Variants in ANKRD30B observed in about 807,000 individuals in gnomAD.
ANKRD30B encodes ankyrin repeat domain 30B, also known as ankyrin repeat domain-containing protein 30B.
In ANKRD30B, 144 loss-of-function variants were observed where a neutral mutation model predicts 202.2. The observed-to-expected ratio is 0.71, with a 90% CI of 0.62 to 0.82. The LOEUF (loss-of-function observed/expected upper bound fraction) is 0.82. Among genes scored for constraint, ANKRD30B ranks in the 40% least tolerant of loss-of-function variants. The pLI is 0.00. For synonymous variants in ANKRD30B, 508 were observed against 561.3 expected (o/e 0.91, Z 1.34); for missense variants, 1,487 against 1,669.1 (o/e 0.89, Z 1.90).
At chr18:14,773,359 A>AC (rs1967135696) in intron 9 of ANKRD30B, among the ~76,000 whole-genome samples, 1 of 96,384 alleles carries the variant, frequency 1.0e-5, no homozygotes, top group Admixed American at 9.1e-5. Context: ...TGCCTATAAA[A>AC]AGATTTTAAG....
rs1170403059 is a variant in ANKRD30B at position 14,853,918 on chromosome 18, A to G, written c.*8A>G. 1.3e-5 allele frequency among the ~76,000 whole-genome samples: 2 copies of G among 152,220 alleles called. No individual in the cohort carries two copies. The highest frequency in any genetic ancestry group is 3.8e-4 in the East Asian group (2 of 5,202). On this transcript the variant is annotated 3_prime_UTR_variant, in exon 43 of 44. Transcript: ENST00000690538. ...TCTCTGAGGCATCAATAGAGGCTAC[A>G]TCACATTATCACATTAATCTCAAAG...
the ANKRD30B span, among the ~76,000 whole-genome samples, chr18:14,875,381 G>A: frequency 6.6e-6 from 1 of 152,314 alleles, no homozygotes; most frequent in South Asian, 2.1e-4. Flanking sequence ...CCCTGCCCAG[G>A]ACCACACAGG....
At chr18:14,816,012 C>T (rs1245298964) in intron 30 of ANKRD30B, 1 of 152,152 alleles carries the variant, frequency 6.6e-6, no homozygotes, top group Non-Finnish European at 1.5e-5. Flanking sequence ...GATGTCAGTT[C>T]TACATTCAGC....
intron 16 of ANKRD30B, among the ~76,000 whole-genome samples, chr18:14,791,750 G>T (rs1199042280): frequency 6.6e-6 from 1 of 152,096 alleles, no homozygotes; most frequent in African/African-American, 2.4e-5. Flanking sequence ...TAAGAAAGGA[G>T]AAAGTAGTAA....
chr18:14,847,283 A>G (rs1315136415), intron 39 of ANKRD30B, among the ~76,000 whole-genome samples: 2 of 151,580 alleles, frequency 1.3e-5, no homozygotes, highest in Non-Finnish European at 2.9e-5. Flanking sequence ...ATATCATATC[A>G]TAGATGGTAT....
At chr18:14,938,152 T>C in the ANKRD30B span, among the ~76,000 whole-genome samples, 1 of 152,158 alleles carries the variant, frequency 6.6e-6, no homozygotes, top group African/African-American at 2.4e-5. Flanking sequence ...CGAGTCTCAG[T>C]CACACACACA....
At chr18:14,888,926 A>G in the ANKRD30B span, 34 of 1,069,210 alleles carry the variant, frequency 3.2e-5, no homozygotes, top group East Asian at 1.3e-4. Context: ...AAACAAACAA[A>G]CATGTTCCAA....
At chr18:14,845,415 A>G (rs1296100716) in intron 39 of ANKRD30B, among the ~76,000 whole-genome samples, 1 of 152,306 alleles carries the variant, frequency 6.6e-6, no homozygotes, top group Non-Finnish European at 1.5e-5. Context: ...CATTTCAATG[A>G]ATTTGTCCAT....
At chr18:14,869,205 A>C in the ANKRD30B span, among the ~76,000 whole-genome samples, 2 of 152,202 alleles carry the variant, frequency 1.3e-5, no homozygotes, top group Admixed American at 6.5e-5. Context: ...TGAAAACACT[A>C]GGATTTTGTC....
intron 30 of ANKRD30B, chr18:14,816,499 A>T (rs1970112693): frequency 6.6e-6 from 1 of 152,080 alleles, no homozygotes. Flanking sequence ...ACAAAAAATT[A>T]GCCAAGCATG....
At chr18:14,766,505 A>AAAGAAAAGAAAAGAAAAGAG (rs1916240583) in intron 7 of ANKRD30B, among the ~76,000 whole-genome samples, 2 of 150,592 alleles carry the variant, frequency 1.3e-5, no homozygotes, top group South Asian at 4.2e-4. Flanking sequence ...AAAGAAAAGA[A>AAAGAAAAGAAAAGAAAAGAG]AAGAAAAGAA....
Position 14,799,348 on chromosome 18 carries a change from G to A in ANKRD30B, c.2131+53G>A, listed in dbSNP as rs570536435. On this transcript the variant is annotated intron_variant, in intron 22 of 43. Transcript: ENST00000690538. ...TGGAATTAAGAATATTAAACTATTT[G>A]AAATGCTGAGCACCTTTTTATTCCC... 9 of 1,417,946 alleles carry A rather than the reference G, an allele frequency of 6.3e-6. No individual in the cohort carries two copies. The East Asian group carries it at 2.3e-4, about 35-fold the overall frequency. 87.8% of individuals were successfully genotyped at this position (1,417,946 alleles called of 1,614,324 possible).
At chr18:14,787,220 AT>A (rs1968148675) in intron 15 of ANKRD30B, 120 bp downstream of exon 15, 1 of 826,800 alleles carries the variant, frequency 1.2e-6, no homozygotes, top group African/African-American at 1.7e-5. Context: ...ATTTTTTGAT[AT>A]TTTTCAGAAT....
At chr18:14,778,793 T>C (rs1418076627) in intron 10 of ANKRD30B, among the ~76,000 whole-genome samples, 2 of 152,158 alleles carry the variant, frequency 1.3e-5, no homozygotes, top group Non-Finnish European at 2.9e-5. Flanking sequence ...ACCTCACTCT[T>C]AAGTAGCAAG....
rs185215128 is a variant in ANKRD30B, at chr18:14,821,453, G to A, written c.2642-1030G>A. Among the ~76,000 whole-genome samples the A allele has an allele frequency of 3.9e-5, 6 of 152,058 alleles. 1 individual carries two copies. Among genetic ancestry groups the A allele is most frequent in the African/African-American group, 1.2e-4 (5 of 41,530 alleles). On this transcript the variant is annotated intron_variant, in intron 30 of 43. Transcript: ENST00000690538. ...CTTTTCTAGTTCTTTTAATTGTGATGTTAGGGTGTTTTTTCTTTTGTTGAG... is the reference window on the plus strand; with the variant it reads ...CTTTTCTAGTTCTTTTAATTGTGATATTAGGGTGTTTTTTCTTTTGTTGAG...
intron 39 of ANKRD30B, among the ~76,000 whole-genome samples, chr18:14,846,511 C>T (rs1410388129): frequency 6.6e-6 from 1 of 151,670 alleles, no homozygotes; most frequent in Non-Finnish European, 1.5e-5. Flanking sequence ...ACCACTTGAG[C>T]AAGGGGTTTA....
intron 8 of ANKRD30B, 70 bp downstream of exon 8, chr18:14,769,443 G>A (rs557824348): frequency 8.1e-7 from 1 of 1,233,562 alleles, no homozygotes; most frequent in Non-Finnish European, 1.1e-6. Context: ...ATCACTATCT[G>A]CTGAGTATTC....
intron 3 of ANKRD30B, among the ~76,000 whole-genome samples, chr18:14,754,398 G>A (rs1218620142): frequency 1.3e-5 from 2 of 152,112 alleles, no homozygotes; most frequent in African/African-American, 4.8e-5. Flanking sequence ...TTGAATAATG[G>A]ACATTTAGTT....
intron 9 of ANKRD30B, among the ~76,000 whole-genome samples, chr18:14,774,332 A>G (rs780079210): frequency 1.8e-4 from 27 of 152,252 alleles, no homozygotes; most frequent in Non-Finnish European, 3.1e-4. Context: ...TTGACTGGTC[A>G]CGTCTCTTGT....
Sources: allele counts gnomAD v4.1 joint callset (sites outside exome capture counted in the v4.1 genomes callset), GRCh38; gene constraint gnomAD v4.1.1; transcripts MANE v1.5; gene names NCBI Gene and HGNC (gene_info 2026-07-23, HGNC 2026-07-21).